Variants in ZNF585A observed in about 807,000 individuals in gnomAD.
ZNF585A encodes zinc finger protein 585A.
Under a neutral mutation model 14.9 loss-of-function variants are expected in ZNF585A, and 9 were observed. The observed-to-expected ratio is 0.60, with a 90% confidence interval of 0.36 to 1.05. The LOEUF is 1.05. Ranked by LOEUF, ZNF585A falls within the 50% of genes least tolerant of loss-of-function variation. ZNF585A has a pLI of 0.01. For synonymous variants in ZNF585A, 276 were observed against 319.9 expected, an observed-to-expected ratio of 0.86 and a Z score of 1.46; for missense variants, 726 against 926.4, an observed-to-expected ratio of 0.78 and a Z score of 2.81.
Position 37,148,194 on chromosome 19 carries a change from T to C in ZNF585A, c.*3395A>G, listed in dbSNP as rs1268494099. 1.3e-5 allele frequency: 2 copies of C among 152,230 alleles called. No individual in the cohort carries two copies. Among genetic ancestry groups the C allele is most frequent in the African/African-American group, 4.8e-5 (2 of 41,464 alleles). The allele number at this position is 152,230 out of a possible 1,614,324, so 9.4% of individuals were successfully genotyped here. A position where few individuals can be genotyped will look rare whatever the true frequency, so the allele number is the denominator to read the frequency against. On this transcript the variant is annotated 3_prime_UTR_variant, in exon 5 of 5. Coordinates refer to ENST00000292841, the MANE Select transcript of ZNF585A (RefSeq NM_001288800.2). ...CTTGCCAATTTATGGCACGTTTTCA[T>C]TTTTAGCCATTCTAAAAGCCATTCT...
chr19:37,171,879 G>A (rs540960410), intron 1 of ZNF585A, among the ~76,000 whole-genome samples: 11 of 151,898 alleles, frequency 7.2e-5, no homozygotes, highest in Admixed American at 7.2e-4. Flanking sequence ...CTCCAACTTG[G>A]GTGACAGAGC....
chr19:37,148,957 T>G lies in ZNF585A; in HGVS notation c.*2632A>C, dbSNP rs1391557364. ...TGATATAAAAGATCAAAGGTAAAAC[T>G]ATGGAGACAGAAAAAATGTTGCCAG... On this transcript the variant is annotated 3_prime_UTR_variant, in exon 5 of 5. Transcript: ENST00000292841. The G allele has an allele frequency of 6.6e-6, 1 of 152,058 alleles. No homozygotes were observed. The highest frequency in any genetic ancestry group is 6.5e-5 in the Admixed American group (1 of 15,274). 9.4% of individuals were successfully genotyped at this position (152,058 alleles called of 1,614,324 possible).
chr19:37,153,723 A>G (rs920044972), intron 4 of ZNF585A, 117 bp from the exon 5 acceptor site: 2 of 948,912 alleles, frequency 2.1e-6, no homozygotes, highest in African/African-American at 3.3e-5. Context: ...TATGCTTTAA[A>G]CCATTTCCAA....
intron 2 of ZNF585A, among the ~76,000 whole-genome samples, chr19:37,167,226 G>A (rs1315062515): frequency 6.6e-6 from 1 of 152,150 alleles, no homozygotes; most frequent in Non-Finnish European, 1.5e-5. Flanking sequence ...CTGGGCTGAA[G>A]TGCAGTGGCA....
chr19:37,163,738 GACACAC>G (rs148092235), intron 2 of ZNF585A, among the ~76,000 whole-genome samples: 3 of 149,096 alleles, frequency 2.0e-5, no homozygotes, highest in East Asian at 2.0e-4. Context: ...TCATAAAGAT[GACACAC>G]ACACACACAC....
rs955834957 is a variant in ZNF585A, at chr19:37,149,392, A to G, written c.*2197T>C. ...GTAAGTATTATAATATTGTTACAAT[A>G]AATATATAAGAGAAATAATCAAAAG... On this transcript the variant is annotated 3_prime_UTR_variant, in exon 5 of 5. Transcript: ENST00000292841. 6.6e-6 allele frequency: 1 copy of G among 152,236 alleles called. No homozygotes were observed. The highest frequency in any genetic ancestry group is 2.4e-5 in the African/African-American group (1 of 41,468). 9.4% of individuals were successfully genotyped at this position (152,236 alleles called of 1,614,324 possible).
intron 4 of ZNF585A, 78 bp from the exon 5 acceptor site, chr19:37,153,684 AT>A: frequency 8.1e-7 from 1 of 1,231,332 alleles, no homozygotes; most frequent in Non-Finnish European, 1.1e-6. Flanking sequence ...TTGAAGGATT[AT>A]TTTTATTATG....
In ZNF585A at chr19:37,156,284, C is replaced by T. The variant is rs777156311; in HGVS notation, c.144G>A (p.Gln48=). The stretch of plus-strand genomic sequence containing the variant: ...GCATCACATCCCGGTACAGGTTTCT[C>T]TGAGAAGGGTCCAGGTGCCGCCATT... ...REEWRHLDPS[Q]RNLYRDVMLE... Residue 48 remains glutamine (Q), a synonymous_variant, in exon 3 of 5, where the codon CAG becomes CAA. Coordinates refer to ENST00000292841, the MANE Select transcript of ZNF585A (RefSeq NM_001288800.2). 4.3e-6 allele frequency: 7 copies of T among 1,614,074 alleles called. No individual in the cohort carries two copies. In the South Asian group the frequency reaches 7.7e-5, roughly 18 times the overall value.
intron 2 of ZNF585A, among the ~76,000 whole-genome samples, chr19:37,156,700 T>C (rs1242374418): frequency 6.6e-6 from 1 of 151,796 alleles, no homozygotes; most frequent in East Asian, 1.9e-4. Flanking sequence ...CTTCATTTTT[T>C]TTTTCTTCCG....
chr19:37,169,418 T>A (rs1483463991), intron 2 of ZNF585A, among the ~76,000 whole-genome samples: 6 of 122,490 alleles, frequency 4.9e-5, no homozygotes, highest in Admixed American at 8.3e-5. Flanking sequence ...AGAACCAATA[T>A]CCGAAAAACA....
At chr19:37,163,721 G>C (rs1183259082) in intron 2 of ZNF585A, among the ~76,000 whole-genome samples, 1 of 150,214 alleles carries the variant, frequency 6.7e-6, no homozygotes, top group African/African-American at 2.4e-5. Flanking sequence ...AGTTCAAGAA[G>C]TTAACATCAT....
intron 2 of ZNF585A, among the ~76,000 whole-genome samples, chr19:37,161,109 G>A (rs1245182734): frequency 6.6e-6 from 1 of 151,848 alleles, no homozygotes; most frequent in Non-Finnish European, 1.5e-5. Flanking sequence ...AATAAAAGAG[G>A]AGAAACACTT....
chr19:37,152,040 T>C lies in ZNF585A; in HGVS notation c.1859A>G (p.Gln620Arg), dbSNP rs1166300059. 1.2e-6 allele frequency: 2 copies of C among 1,608,294 alleles called. No individual in the cohort carries two copies. Among genetic ancestry groups the C allele is most frequent in the Admixed American group, 1.7e-5 (1 of 59,040 alleles). Residue 620 changes from glutamine to arginine, a missense_variant, in exon 5 of 5, where the codon CAG becomes CGG. Around this residue, in one of 2 missense-constraint regions of ZNF585A, gnomAD observed 243 missense variants for 383.6 expected, o/e 0.63. Transcript: ENST00000292841. ...GTGAACTGGCTGATGCACCAGGAGC[T>C]GAGACTTGGAGGTAAAGGACTTCCC... Reference protein sequence around the residue: ...DCGKSFTSKSQLLVHQPVHTG... With the variant: ...DCGKSFTSKSRLLVHQPVHTG...
At chr19:37,172,228 TAA>T (rs779952367) in intron 1 of ZNF585A, among the ~76,000 whole-genome samples, 3 of 152,204 alleles carry the variant, frequency 2.0e-5, no homozygotes, top group Non-Finnish European at 4.4e-5. Context: ...AACTTCTAAA[TAA>T]CTCATGGATC....
chr19:37,146,716 C>G lies in ZNF585A; in HGVS notation c.*4873G>C, dbSNP rs2145389351. The G allele has an allele frequency of 2.0e-5, 3 of 152,500 alleles. No individual in the cohort carries two copies. The South Asian group carries it at 6.2e-4, about 32-fold the overall frequency. The allele number at this position is 152,500 out of a possible 1,614,324, so 9.4% of individuals were successfully genotyped here. On this transcript the variant is annotated 3_prime_UTR_variant, in exon 5 of 5. Transcript: ENST00000292841. ...AGGCTAGATGCTGATGGGAGTGGCC[C>G]CCTGCCTATGGATCCCCCACTCCTG... is the stretch of plus-strand genomic sequence containing the variant.
At chr19:37,159,911 A>C (rs911745744) in intron 2 of ZNF585A, among the ~76,000 whole-genome samples, 2 of 152,216 alleles carry the variant, frequency 1.3e-5, no homozygotes, top group South Asian at 4.1e-4. Context: ...AGACAGTAAA[A>C]ATACAACCTA....
Position 37,148,171 on chromosome 19 carries a change from T to C in ZNF585A, c.*3418A>G, listed in dbSNP as rs1971770290. The C allele has an allele frequency of 6.6e-6, 1 of 152,240 alleles. No homozygotes were observed. The highest frequency in any genetic ancestry group is 1.5e-5 in the Non-Finnish European group (1 of 68,036). 9.4% of individuals were successfully genotyped at this position (152,240 alleles called of 1,614,324 possible). Reference sequence around the variant, plus strand: ...GAAAATTTCCATTGGTCTGTATTCTTGCCAATTTATGGCACGTTTTCATTT... The same window carrying C: ...GAAAATTTCCATTGGTCTGTATTCTCGCCAATTTATGGCACGTTTTCATTT... On this transcript the variant is annotated 3_prime_UTR_variant, in exon 5 of 5. Transcript: ENST00000292841.
At position 37,153,070 on chromosome 19, in the gene ZNF585A, G is replaced by C. The variant is rs1271853150; in HGVS notation, c.829C>G (p.Gln277Glu). The C allele has an allele frequency of 1.2e-6, 2 of 1,614,050 alleles. No individual in the cohort carries two copies. Among genetic ancestry groups the C allele is most frequent in the Non-Finnish European group, 1.7e-6 (2 of 1,180,038 alleles). Residue 277 changes from glutamine (Q) to glutamate (E), a missense_variant, in exon 5 of 5, where the codon CAG becomes GAG. Physicochemically the swap from Gln to Glu is conservative, Grantham distance 29 (BLOSUM62 2). This residue lies in a region of ZNF585A where 483 missense variants were observed against 542.8 expected (regional missense o/e 0.89). Coordinates refer to ENST00000292841, the MANE Select transcript of ZNF585A (RefSeq NM_001288800.2). ...ERSYICIECG[Q>E]AFIQKTHLIA... ...AAATGGGTCTTCTGGATGAAGGCCT[G>C]TCCGCATTCAATACAGATGTAGGAT...
At chr19:37,170,492 C>A (rs1972165137) in intron 1 of ZNF585A, among the ~76,000 whole-genome samples, 1 of 152,238 alleles carries the variant, frequency 6.6e-6, no homozygotes, top group Admixed American at 6.5e-5. Flanking sequence ...GAAGTTTCTT[C>A]ACTTTCTTTT....
Sources: allele counts gnomAD v4.1 joint callset (sites outside exome capture counted in the v4.1 genomes callset), GRCh38; gene constraint gnomAD v4.1.1; regional missense constraint gnomAD v4.1.1; transcripts MANE v1.5; gene names NCBI Gene and HGNC (gene_info 2026-07-23, HGNC 2026-07-21).